Variants in CFAP20DC observed in about 807,000 individuals in gnomAD.
CFAP20DC encodes the protein protein CFAP20DC.
Under a neutral mutation model 101.7 loss-of-function variants are expected in CFAP20DC, and 84 were observed. The observed-to-expected ratio is 0.83, with a 90% confidence interval of 0.69 to 0.99. The LOEUF is 0.99. Ranked by LOEUF, CFAP20DC falls within the 50% of genes least tolerant of loss-of-function variation. The pLI is 0.00. For synonymous variants in CFAP20DC, 359 were observed against 351.2 expected, an observed-to-expected ratio of 1.02 and a Z score of -0.25; for missense variants, 1,007 against 970.3, an observed-to-expected ratio of 1.04 and a Z score of -0.50.
chr3:58,831,458 TATC>T (rs1359210266), intron 14 of CFAP20DC, among the ~76,000 whole-genome samples: 36 of 152,354 alleles, frequency 2.4e-4, no homozygotes, highest in African/African-American at 8.4e-4. Context: ...TGATTTGATA[TATC>T]ATCATATATA....
At chr3:58,992,622 C>A (rs931990013) in intron 4 of CFAP20DC, 1 of 897,502 alleles carries the variant, frequency 1.1e-6, no homozygotes. Context: ...TTGCCTGCCT[C>A]CATCAGACAA....
At chr3:58,873,343 T>C (rs920817632) in intron 7 of CFAP20DC, among the ~76,000 whole-genome samples, 4 of 150,516 alleles carry the variant, frequency 2.7e-5, no homozygotes, top group African/African-American at 4.9e-5. Context: ...TGGATAGCTA[T>C]GCTGGATGCT....
intron 5 of CFAP20DC, among the ~76,000 whole-genome samples, chr3:58,935,352 G>A (rs1353547787): frequency 6.6e-6 from 1 of 151,912 alleles, no homozygotes; most frequent in Non-Finnish European, 1.5e-5. Flanking sequence ...TACTGCCCAA[G>A]GTAATTTATA....
At chr3:58,838,107 C>A (rs1314660595) in intron 13 of CFAP20DC, among the ~76,000 whole-genome samples, 2 of 152,156 alleles carry the variant, frequency 1.3e-5, no homozygotes, top group Non-Finnish European at 2.9e-5. Flanking sequence ...GTAAGTGACA[C>A]ATATTTGTGC....
At position 58,869,932 on chromosome 3, in the gene CFAP20DC, T is replaced by C. The variant is rs140406193; in HGVS notation, c.852+241A>G. Among the ~76,000 whole-genome samples the C allele has an allele frequency of 1.8e-4, 28 of 152,362 alleles. No individual in the cohort carries two copies. In the Middle Eastern group the frequency reaches 0.014, roughly 74 times the overall value. On this transcript the variant is annotated intron_variant, in intron 8 of 16. Coordinates refer to ENST00000482387, the MANE Select transcript of CFAP20DC (RefSeq NM_001394063.1). The surrounding 1 kb of genome is among the most constrained non-coding windows in gnomAD (Gnocchi z 4.3). Reference sequence around the variant, plus strand: ...CTTTAAATTTTGTGAACATATTTAATGAAAAGAATACTCGAAAATGTTAAT... The same window carrying C: ...CTTTAAATTTTGTGAACATATTTAACGAAAAGAATACTCGAAAATGTTAAT...
At chr3:58,872,286 T>C (rs936049887) in intron 7 of CFAP20DC, among the ~76,000 whole-genome samples, 3 of 152,108 alleles carry the variant, frequency 2.0e-5, no homozygotes, top group Non-Finnish European at 2.9e-5. Context: ...CCTGCAAAAA[T>C]TCCTCTAGCT....
rs145124077 is a variant in CFAP20DC, at chr3:58,755,397, T to C, written c.2238-1534A>G. Among the ~76,000 whole-genome samples, 975 of 152,256 alleles carry C rather than the reference T, an allele frequency of 6.4e-3. 8 individuals are homozygous for C. Among genetic ancestry groups the C allele is most frequent in the South Asian group, 0.032 (154 of 4,828 alleles). ...AAAAACTTCCTGCACTATAGGAAAT[T>C]ACAAGGTCATATACAAATTACCAGC... On this transcript the variant is annotated intron_variant, in intron 15 of 16. Transcript: ENST00000482387.
chr3:58,747,641 C>T (rs745511117), intron 16 of CFAP20DC, among the ~76,000 whole-genome samples: 1 of 152,076 alleles, frequency 6.6e-6, no homozygotes, highest in Non-Finnish European at 1.5e-5. Context: ...CATACTAATA[C>T]ACTATTGTTT....
At chr3:59,043,004 C>T (rs1385158241) in intron 3 of CFAP20DC, among the ~76,000 whole-genome samples, 4 of 152,194 alleles carry the variant, frequency 2.6e-5, no homozygotes, top group East Asian at 3.9e-4. Flanking sequence ...GAAGGAATTT[C>T]GAGGAGTAAA....
intron 15 of CFAP20DC, among the ~76,000 whole-genome samples, chr3:58,772,459 A>G (rs563491116): frequency 3.9e-5 from 6 of 152,344 alleles, no homozygotes; most frequent in African/African-American, 1.4e-4. Context: ...ATTTGATAAA[A>G]TAGGGTAAAA....
At chr3:58,994,889 T>C (rs2093063176) in intron 4 of CFAP20DC, among the ~76,000 whole-genome samples, 2 of 150,712 alleles carry the variant, frequency 1.3e-5, no homozygotes, top group African/African-American at 4.9e-5. Context: ...GGGAAGAAGG[T>C]TCTTTGTGAC....
intron 7 of CFAP20DC, among the ~76,000 whole-genome samples, chr3:58,877,902 C>A (rs1303104628): frequency 6.6e-6 from 1 of 151,974 alleles, no homozygotes; most frequent in African/African-American, 2.4e-5. Flanking sequence ...AACATAATAC[C>A]ATAATATCCA....
intron 15 of CFAP20DC, chr3:58,794,208 C>G: frequency 2.8e-6 from 1 of 362,302 alleles, no homozygotes; most frequent in South Asian, 2.1e-5. Flanking sequence ...GCCTTCTAAC[C>G]AGTCTTGTTT....
chr3:58,982,628 G>A (rs2092603105), intron 4 of CFAP20DC, among the ~76,000 whole-genome samples: 1 of 146,644 alleles, frequency 6.8e-6, no homozygotes, highest in African/African-American at 2.5e-5. Context: ...AACACCGCAT[G>A]TTCTCACTCA....
At chr3:58,720,741 G>A (rs1268683176) in intron 3 of CFAP20DC, among the ~76,000 whole-genome samples, 1 of 152,126 alleles carries the variant, frequency 6.6e-6, no homozygotes, top group Non-Finnish European at 1.5e-5. Flanking sequence ...GTTTAACAGT[G>A]TCAAAGTACT....
rs550811090 is a variant in CFAP20DC at position 58,899,803 on chromosome 3, G to A, written c.550+13905C>T. On this transcript the variant is annotated intron_variant, in intron 6 of 16. Coordinates refer to ENST00000482387, the MANE Select transcript of CFAP20DC (RefSeq NM_001394063.1). This position sits in a 1 kb window ranked among gnomAD's most constrained non-coding sequence, Gnocchi z 5.0. ...TTTTCCATTCTCTGCAGGTCAAGCT[G>A]TTTGCCTAGTCAGTAATGTGAGAAC... is the stretch of plus-strand genomic sequence containing the variant. 6.6e-6 allele frequency among the ~76,000 whole-genome samples: 1 copy of A among 152,256 alleles called. No individual in the cohort carries two copies. The highest frequency in any genetic ancestry group is 1.9e-4 in the East Asian group (1 of 5,168).
intron 14 of CFAP20DC, among the ~76,000 whole-genome samples, chr3:58,821,257 A>C (rs375022416): frequency 2.0e-5 from 3 of 152,206 alleles, no homozygotes; most frequent in African/African-American, 7.2e-5. Context: ...GTACAAAACA[A>C]CAAAAGCAAT....
At chr3:59,045,574 T>C (rs1391467735) in intron 3 of CFAP20DC, among the ~76,000 whole-genome samples, 1 of 152,148 alleles carries the variant, frequency 6.6e-6, no homozygotes. Flanking sequence ...GGGCTTCTGA[T>C]AAATCTGCGT....
At chr3:58,810,230 G>C (rs1195871778) in intron 14 of CFAP20DC, among the ~76,000 whole-genome samples, 1 of 152,026 alleles carries the variant, frequency 6.6e-6, no homozygotes, top group Non-Finnish European at 1.5e-5. Flanking sequence ...TGATACCAAA[G>C]TTGGGCAGAG....
Sources: allele counts gnomAD v4.1 joint callset (sites outside exome capture counted in the v4.1 genomes callset), GRCh38; gene constraint gnomAD v4.1.1; non-coding constraint Gnocchi (gnomAD v3.1); transcripts MANE v1.5; gene names NCBI Gene and HGNC (gene_info 2026-07-23, HGNC 2026-07-21).